The following DMD variants were observed in gnomAD, a reference collection of about 807,000 sequenced individuals.
The protein encoded by DMD is dystrophin.
Under a neutral mutation model 330.1 loss-of-function variants are expected in DMD, and 63 were observed. The ratio of observed to expected loss-of-function variants is 0.19; its 90% CI spans 0.16 to 0.24. The LOEUF (loss-of-function observed/expected upper bound fraction) is 0.24. DMD is among the 10% of genes least tolerant of loss of function. The probability of loss-of-function intolerance (pLI) is 1.00; values close to 1 mark genes in which losing one functional copy is unlikely to be tolerated. For missense variants in DMD, 3,344 were observed against 2,684.1 expected, an observed-to-expected ratio of 1.25 and a Z score of -5.43; for synonymous variants, 1,223 against 959.8, an observed-to-expected ratio of 1.27 and a Z score of -5.07.
intron 7 of DMD, among the ~76,000 whole-genome samples, chrX:32,716,969 T>C (rs1042697802): frequency 1.8e-5 from 2 of 111,577 alleles, no homozygotes; most frequent in Non-Finnish European, 3.8e-5. Flanking sequence ...CTTCTAACAG[T>C]ATACGGTCAT....
intron 51 of DMD, among the ~76,000 whole-genome samples, chrX:31,773,724 C>CTTTTTTTTTTTTTTTTTTTTTTTT (rs762551529): frequency 1.1e-3 from 60 of 53,481 alleles, no homozygotes; most frequent in Admixed American, 1.8e-3. Context: ...AAGGTTTCTG[C>CTTTTTTTTTTTTTTTTTTTTTTTT]TTTTTTTTTT....
At chrX:31,273,772 G>A (rs2051862700) in intron 62 of DMD, among the ~76,000 whole-genome samples, 1 of 111,734 alleles carries the variant, frequency 8.9e-6, no homozygotes, top group Non-Finnish European at 1.9e-5. Context: ...TATAGCAAAG[G>A]CATGAAGATA....
At chrX:32,514,235 GAAAAAAA>G (rs35838995) in intron 18 of DMD, among the ~76,000 whole-genome samples, 3 of 77,281 alleles carry the variant, frequency 3.9e-5, no homozygotes, top group Non-Finnish European at 7.4e-5. Flanking sequence ...AAGGCAGGTG[GAAAAAAA>G]AAAAAAAAAA....
intron 60 of DMD, among the ~76,000 whole-genome samples, chrX:31,396,306 T>A (rs1285268424): frequency 9.1e-6 from 1 of 110,032 alleles, no homozygotes; most frequent in African/African-American, 3.3e-5. Context: ...CCCGGCTAAT[T>A]TTTTGTATTT....
rs993092132 is a variant in DMD, at chrX:32,405,449, T to C, written c.4233+6303A>G. 3.6e-5 allele frequency among the ~76,000 whole-genome samples: 4 copies of C among 110,612 alleles called. No individual in the cohort carries two copies. In the East Asian group the frequency reaches 1.1e-3, roughly 31 times the overall value. ...TTTAATCATAGTACTTTGGAAATAA[T>C]CCTAGTTTCTGTTTTCTAAGATATA... On this transcript the variant is annotated intron_variant, in intron 30 of 78. Coordinates refer to ENST00000357033, the MANE Select transcript of DMD (RefSeq NM_004006.3).
chrX:32,526,477 A>T (rs1330710076), intron 17 of DMD, among the ~76,000 whole-genome samples: 1 of 111,114 alleles, frequency 9.0e-6, no homozygotes, highest in Non-Finnish European at 1.9e-5. Context: ...TTTTTCAAAA[A>T]GACCTTCCAT....
intron 1 of DMD, among the ~76,000 whole-genome samples, chrX:33,203,171 A>G (rs758033738): frequency 2.7e-5 from 3 of 112,016 alleles, no homozygotes; most frequent in East Asian, 2.8e-4. Context: ...TCCAATAAGC[A>G]TCTATATTAA....
At chrX:32,969,027 C>CCAAAAAAAAAAAAAAAAAAAAAAAAA (rs2092280100) in intron 2 of DMD, among the ~76,000 whole-genome samples, 2 of 19,813 alleles carry the variant, frequency 1.0e-4, no homozygotes, top group African/African-American at 3.1e-4. Context: ...GATTCTGTCT[C>CCAAAAAAAAAAAAAAAAAAAAAAAAA]AAAAAAAAAA....
chrX:31,371,140 C>G (rs1403194265), intron 60 of DMD, among the ~76,000 whole-genome samples: 5 of 110,902 alleles, frequency 4.5e-5, no homozygotes, highest in African/African-American at 9.9e-5. Context: ...TGACATTGAA[C>G]TAGAGTTTTG....
chrX:32,381,243 T>C (rs1027554896), intron 33 of DMD, among the ~76,000 whole-genome samples: 1 of 111,495 alleles, frequency 9.0e-6, no homozygotes, highest in Non-Finnish European at 1.9e-5. Context: ...GGTCACTTCC[T>C]CCTTAAACAT....
chrX:32,288,019 G>A (rs1229338579), intron 42 of DMD, among the ~76,000 whole-genome samples: 2 of 110,210 alleles, frequency 1.8e-5, no homozygotes, highest in African/African-American at 6.6e-5. Flanking sequence ...AGAGTGCTCT[G>A]ACTCAGTATT....
At chrX:31,637,267 T>A (rs2079470329) in intron 54 of DMD, among the ~76,000 whole-genome samples, 1 of 111,878 alleles carries the variant, frequency 8.9e-6, no homozygotes, top group Non-Finnish European at 1.9e-5. Flanking sequence ...TTAAAACTTA[T>A]CAAAATAAAG....
chrX:32,236,534 G>A (rs1042535048), intron 43 of DMD, among the ~76,000 whole-genome samples: 9 of 111,740 alleles, frequency 8.1e-5, no homozygotes, highest in Admixed American at 9.5e-5. Flanking sequence ...GACCTCGTGG[G>A]AGGTAATTGA....
chrX:31,228,220 A>G (rs1316584710), intron 63 of DMD, among the ~76,000 whole-genome samples: 1 of 104,483 alleles, frequency 9.6e-6, no homozygotes, highest in Non-Finnish European at 2.0e-5. Flanking sequence ...ACTAACCTGC[A>G]CAATGTGCAC....
intron 62 of DMD, among the ~76,000 whole-genome samples, chrX:31,265,372 A>T (rs1404979771): frequency 9.0e-6 from 1 of 111,011 alleles, no homozygotes; most frequent in Non-Finnish European, 1.9e-5. Flanking sequence ...AGGGGTTTGG[A>T]GGGGTGGGCA....
intron 9 of DMD, among the ~76,000 whole-genome samples, chrX:32,653,741 C>A (rs929563968): frequency 5.4e-5 from 6 of 111,562 alleles, no homozygotes; most frequent in Non-Finnish European, 1.1e-4. Context: ...CTATAAATTA[C>A]CTTGGGCAGT....
intron 44 of DMD, among the ~76,000 whole-genome samples, chrX:32,062,452 CTA>C (rs1214913209): frequency 1.8e-5 from 2 of 110,049 alleles, no homozygotes; most frequent in African/African-American, 3.3e-5. Context: ...ATATAAAATT[CTA>C]TATATGTTAT....
rs2094830529 is a variant in DMD at position 31,929,818 on chromosome X, T to C, written c.6763-73A>G. The C allele has an allele frequency of 4.3e-6, 5 of 1,150,581 alleles. No homozygotes were observed. In the East Asian group the frequency reaches 9.0e-5, roughly 21 times the overall value. 94.8% of individuals were successfully genotyped at this position (1,150,581 alleles called of 1,213,427 possible). ...TCCAACTACCTTGTCTTTGCTTCTA[T>C]TGATTAGTCTATCAAAATGAAGCGA... On this transcript the variant is annotated intron_variant, in intron 46 of 78. Transcript: ENST00000357033.
intron 21 of DMD, among the ~76,000 whole-genome samples, chrX:32,475,489 T>C (rs1173341148): frequency 1.8e-5 from 2 of 111,986 alleles, no homozygotes; most frequent in Non-Finnish European, 3.8e-5. Context: ...TCCACGACTA[T>C]GGGATGTGTT....
Sources: allele counts gnomAD v4.1 joint callset (sites outside exome capture counted in the v4.1 genomes callset), GRCh38; gene constraint gnomAD v4.1.1; transcripts MANE v1.5; gene names NCBI Gene and HGNC (gene_info 2026-07-23, HGNC 2026-07-21).